Variants in TRMT1L observed in about 807,000 individuals in gnomAD.
The protein encoded by TRMT1L is tRNA (guanine(27)-N(2))-dimethyltransferase.
In TRMT1L, 28 loss-of-function variants were observed where a neutral mutation model predicts 81.6. That is an observed-to-expected ratio of 0.34 (90% CI 0.25 to 0.47). TRMT1L has a LOEUF of 0.47. Among genes scored for constraint, TRMT1L ranks in the 20% least tolerant of loss-of-function variants. The pLI is 1.00. For synonymous variants in TRMT1L, 301 were observed against 303.2 expected (o/e 0.99, Z 0.07); for missense variants, 739 against 877.1 (o/e 0.84, Z 1.99).
intron 1 of TRMT1L, among the ~76,000 whole-genome samples, chr1:185,153,831 T>C (rs951372114): frequency 6.6e-6 from 1 of 152,190 alleles, no homozygotes; most frequent in Non-Finnish European, 1.5e-5. Context: ...AATATTATGT[T>C]ATTAGGTTAT....
chr1:185,141,254 C>G (rs1033976736), intron 7 of TRMT1L, among the ~76,000 whole-genome samples: 1 of 152,152 alleles, frequency 6.6e-6, no homozygotes, highest in African/African-American at 2.4e-5. Flanking sequence ...CATATTTTCA[C>G]AAGCTTGTGA....
Position 185,118,782 on chromosome 1 carries a change from A to G in TRMT1L, c.*1237T>C, listed in dbSNP as rs1652423266. On this transcript the variant is annotated 3_prime_UTR_variant, in exon 15 of 15. Transcript: ENST00000367506. ...CAAAATTAATATTCTCTATTCATCT[A>G]ATGCCTATCCACTAGATTTTTTTGT... is the stretch of plus-strand genomic sequence containing the variant. 6.6e-6 allele frequency: 1 copy of G among 152,080 alleles called. No homozygotes were observed. Among genetic ancestry groups the G allele is most frequent in the African/African-American group, 2.4e-5 (1 of 41,408 alleles). 9.4% of individuals were successfully genotyped at this position (152,080 alleles called of 1,614,324 possible). A position where few individuals can be genotyped will look rare whatever the true frequency, so the allele number is the denominator to read the frequency against.
intron 9 of TRMT1L, among the ~76,000 whole-genome samples, chr1:185,138,066 T>C (rs1652944978): frequency 6.6e-6 from 1 of 152,206 alleles, no homozygotes. Context: ...TTTCTGGTTT[T>C]CAGTCATTTT....
chr1:185,142,765 G>A (rs996605081), intron 7 of TRMT1L, among the ~76,000 whole-genome samples: 3 of 151,438 alleles, frequency 2.0e-5, no homozygotes, highest in African/African-American at 7.3e-5. Flanking sequence ...CAAAAATCTA[G>A]ACTGCGGGAA....
At chr1:185,125,678 A>T (rs1652606454) in intron 11 of TRMT1L, among the ~76,000 whole-genome samples, 2 of 152,220 alleles carry the variant, frequency 1.3e-5, no homozygotes, top group African/African-American at 4.8e-5. Flanking sequence ...GGAAAATGTT[A>T]TATGTGTATG....
At chr1:185,130,548 C>T (rs967818783) in intron 10 of TRMT1L, among the ~76,000 whole-genome samples, 6 of 152,078 alleles carry the variant, frequency 3.9e-5, no homozygotes, top group Non-Finnish European at 8.8e-5. Context: ...TGTTTTGGGA[C>T]CCTGCGACGG....
intron 14 of TRMT1L, 40 bp downstream of exon 14, chr1:185,120,343 T>C: frequency 6.9e-7 from 1 of 1,457,170 alleles, no homozygotes; most frequent in Non-Finnish European, 9.1e-7. Flanking sequence ...ATTATTAAAA[T>C]ATAAAATATA....
chr1:185,143,412 A>T lies in TRMT1L; in HGVS notation c.804T>A (p.Ala268=). ...AAGGTTTTCGTTCCTCAGCCAAAGCAGCCAATGTACAGAATATTAGCTGCC... is the reference window on the plus strand; with the variant it reads ...AAGGTTTTCGTTCCTCAGCCAAAGCTGCCAATGTACAGAATATTAGCTGCC... ...LNRQLIFCTL[A]ALAEERKPLE... The change falls in exon 7 of 15, where the codon GCT becomes GCA. Residue 268 remains alanine, a synonymous_variant. Coordinates refer to ENST00000367506, the MANE Select transcript of TRMT1L (RefSeq NM_030934.5). The T allele has an allele frequency of 6.2e-7, 1 of 1,611,774 alleles. No homozygotes were observed. Among genetic ancestry groups the T allele is most frequent in the African/African-American group, 1.3e-5 (1 of 74,960 alleles).
intron 3 of TRMT1L, among the ~76,000 whole-genome samples, chr1:185,147,716 C>A (rs1326549401): frequency 1.3e-5 from 2 of 152,086 alleles, no homozygotes; most frequent in African/African-American, 4.8e-5. Flanking sequence ...TTCTCTCATG[C>A]CCTAAAATGT....
chr1:185,127,759 CAAAAAAAAAAAA>C (rs986438990), intron 11 of TRMT1L, among the ~76,000 whole-genome samples: 12 of 36,448 alleles, frequency 3.3e-4, no homozygotes, highest in Non-Finnish European at 6.0e-4. Context: ...AACTCTGTCT[CAAAAAAAAAAAA>C]AAAAAAAAAA....
intron 4 of TRMT1L, among the ~76,000 whole-genome samples, chr1:185,146,952 G>A (rs949735517): frequency 2.0e-5 from 3 of 151,910 alleles, no homozygotes; most frequent in Non-Finnish European, 4.4e-5. Flanking sequence ...ACACAAAGGA[G>A]CAATTTATCT....
chr1:185,138,191 T>C (rs552725735), intron 9 of TRMT1L, among the ~76,000 whole-genome samples: 1 of 152,324 alleles, frequency 6.6e-6, no homozygotes, highest in South Asian at 2.1e-4. Flanking sequence ...TGCAGGATAG[T>C]ATGCTAGCTA....
At chr1:185,121,769 TCTTC>T (rs1465281011) in intron 13 of TRMT1L, among the ~76,000 whole-genome samples, 4 of 152,080 alleles carry the variant, frequency 2.6e-5, no homozygotes, top group Non-Finnish European at 5.9e-5. Context: ...CCTGGTAATT[TCTTC>T]TTTTTTAAAA....
chr1:185,139,291 G>GT lies in TRMT1L; in HGVS notation c.1322+75dup, dbSNP rs1302615064. 14 of 1,216,926 alleles carry GT rather than the reference G, an allele frequency of 1.2e-5. No individual in the cohort carries two copies. In the Admixed American group the frequency reaches 2.9e-4, roughly 25 times the overall value. The allele number at this position is 1,216,926 out of a possible 1,614,324, so 75.4% of individuals were successfully genotyped here. On this transcript the variant is annotated intron_variant, in intron 9 of 14. Coordinates refer to ENST00000367506, the MANE Select transcript of TRMT1L (RefSeq NM_030934.5). ...ATATTTTGTGCATATTTTGAATAAG[G>GT]TAAGTACTTCTTGTAATATTATCTC...
At chr1:185,136,815 G>T (rs747616103) in intron 10 of TRMT1L, among the ~76,000 whole-genome samples, 3 of 152,152 alleles carry the variant, frequency 2.0e-5, no homozygotes, top group Non-Finnish European at 4.4e-5. Context: ...TCAAATACAT[G>T]TGGAAATTTA....
At chr1:185,138,915 G>A (rs1404817463) in intron 9 of TRMT1L, among the ~76,000 whole-genome samples, 1 of 152,108 alleles carries the variant, frequency 6.6e-6, no homozygotes, top group African/African-American at 2.4e-5. Flanking sequence ...ACCTATAATC[G>A]TAGCTGTGAT....
chr1:185,123,709 A>G, intron 13 of TRMT1L, 148 bp downstream of exon 13: 1 of 554,858 alleles, frequency 1.8e-6, no homozygotes, highest in Non-Finnish European at 3.1e-6. Flanking sequence ...GAATGCTGAT[A>G]AACAAGTTTT....
chr1:185,139,940 T>G (rs572646406), intron 8 of TRMT1L, 33 bp downstream of exon 8: 1 of 1,579,308 alleles, frequency 6.3e-7, no homozygotes, highest in East Asian at 2.3e-5. Context: ...CAGATAAGTT[T>G]AGAAAGTGAC....
At chr1:185,124,694 T>G in intron 12 of TRMT1L, 1 of 229,230 alleles carries the variant, frequency 4.4e-6, no homozygotes. Flanking sequence ...AGACCCAGTA[T>G]CCAAAAAAAA....
Sources: gnomAD v4.1 joint callset for allele counts (sites outside exome capture counted in the v4.1 genomes callset) on GRCh38, gnomAD v4.1.1 for gene constraint, MANE v1.5 for transcripts, NCBI Gene and HGNC (gene_info 2026-07-23, HGNC 2026-07-21) for gene names.